The following HACD3 variants were observed in gnomAD, a reference collection of about 807,000 sequenced individuals.
HACD3 encodes very-long-chain (3R)-3-hydroxyacyl-CoA dehydratase 3.
A neutral mutation model predicts 55.2 loss-of-function variants in HACD3; 30 were observed. That is an observed-to-expected ratio of 0.54 (90% CI 0.41 to 0.74). HACD3 has a LOEUF of 0.74. Ranked by LOEUF, HACD3 falls within the 30% of genes least tolerant of loss-of-function variation. The pLI, the probability that HACD3 is intolerant of heterozygous loss-of-function variation, is 0.00. For missense variants in HACD3, 363 were observed against 440.1 expected, an observed-to-expected ratio of 0.82 and a Z score of 1.57; for synonymous variants, 141 against 151.7, an observed-to-expected ratio of 0.93 and a Z score of 0.52.
intron 1 of HACD3, among the ~76,000 whole-genome samples, chr15:65,536,849 C>G (rs1157026779): frequency 6.6e-6 from 1 of 152,144 alleles, no homozygotes; most frequent in Admixed American, 6.5e-5. Context: ...AATCATTAAG[C>G]TTAGTGAGGA....
intron 1 of HACD3, among the ~76,000 whole-genome samples, chr15:65,537,438 G>A (rs2071965162): frequency 6.6e-6 from 1 of 152,004 alleles, no homozygotes; most frequent in South Asian, 2.1e-4. Context: ...TGCAGCTGGT[G>A]GCTTGAAGTT....
At chr15:65,555,870 G>A (rs767302295) in intron 3 of HACD3, among the ~76,000 whole-genome samples, 1 of 152,130 alleles carries the variant, frequency 6.6e-6, no homozygotes, top group Non-Finnish European at 1.5e-5. Flanking sequence ...ATAAGCTGAG[G>A]GTAATTGGAT....
At position 65,530,827 on chromosome 15, in the gene HACD3, C is replaced by G. The variant is rs1160237556; in HGVS notation, c.87+109C>G. 4 of 1,096,396 alleles carry G rather than the reference C, an allele frequency of 3.6e-6. No individual in the cohort carries two copies. In the Admixed American group the frequency reaches 1.2e-4, roughly 33 times the overall value. The allele number at this position is 1,096,396 out of a possible 1,614,324, so 67.9% of individuals were successfully genotyped here. A position where few individuals can be genotyped will look rare whatever the true frequency, so the allele number is the denominator to read the frequency against. ...GCGCGCCGGAGAGCCTGCAGTGCGC[C>G]AACAAGGTCGGCGACGCGGTGCGCT... On this transcript the variant is annotated intron_variant, in intron 1 of 10. Transcript: ENST00000261875.
chr15:65,560,664 T>C (rs1188138969), intron 5 of HACD3, among the ~76,000 whole-genome samples: 1 of 151,928 alleles, frequency 6.6e-6, no homozygotes, highest in Non-Finnish European at 1.5e-5. Context: ...ATTAGCAAGG[T>C]GTGGTGGCAC....
At chr15:65,554,415 C>A (rs1444111804) in intron 2 of HACD3, among the ~76,000 whole-genome samples, 1 of 152,174 alleles carries the variant, frequency 6.6e-6, no homozygotes, top group African/African-American at 2.4e-5. Flanking sequence ...CAAGCCCCCA[C>A]ACATTTTAAC....
chr15:65,559,299 G>C (rs867856172), intron 5 of HACD3, among the ~76,000 whole-genome samples: 1 of 152,118 alleles, frequency 6.6e-6, no homozygotes, highest in Non-Finnish European at 1.5e-5. Context: ...AAGTCATGCT[G>C]TGTGGCAAGC....
At chr15:65,533,368 G>A (rs1471136593) in intron 1 of HACD3, among the ~76,000 whole-genome samples, 1 of 152,184 alleles carries the variant, frequency 6.6e-6, no homozygotes, top group African/African-American at 2.4e-5. Flanking sequence ...TTGGGTATCT[G>A]AATAAATCTT....
intron 1 of HACD3, among the ~76,000 whole-genome samples, chr15:65,545,242 C>G (rs1380784426): frequency 6.6e-6 from 1 of 152,064 alleles, no homozygotes; most frequent in African/African-American, 2.4e-5. Flanking sequence ...TTTATTGTCA[C>G]CCTCTTAACA....
intron 1 of HACD3, among the ~76,000 whole-genome samples, chr15:65,539,500 C>T (rs1482457776): frequency 1.8e-4 from 27 of 152,208 alleles, no homozygotes; most frequent in Admixed American, 1.6e-3. Flanking sequence ...GGATTACAGA[C>T]GTGAGCCACC....
chr15:65,545,171 T>G (rs947437585), intron 1 of HACD3, among the ~76,000 whole-genome samples: 1 of 152,130 alleles, frequency 6.6e-6, no homozygotes, highest in African/African-American at 2.4e-5. Context: ...ACTTGCTAAT[T>G]ACAAAAGGAA....
In HACD3 at chr15:65,576,671, C is replaced by T; in HGVS notation, c.*292C>T. The T allele has an allele frequency of 2.9e-6, 1 of 342,762 alleles. No individual in the cohort carries two copies. The highest frequency in any genetic ancestry group is 5.3e-6 in the Non-Finnish European group (1 of 189,792). The allele number at this position is 342,762 out of a possible 1,614,324, so 21.2% of individuals were successfully genotyped here. On this transcript the variant is annotated 3_prime_UTR_variant, in exon 11 of 11. Coordinates refer to ENST00000261875, the MANE Select transcript of HACD3 (RefSeq NM_016395.4). ...TCATGTTCAGTCTGTCTAATACATG[C>T]CAGAGATTTTTTTTTCAAAAAGTGC...
chr15:65,565,709 C>T (rs968850349), intron 7 of HACD3: 1 of 152,240 alleles, frequency 6.6e-6, no homozygotes, highest in African/African-American at 2.4e-5. Context: ...AGGCCTCTGA[C>T]ATGGTCTGGT....
chr15:65,571,101 T>C (rs1417001545), intron 8 of HACD3, among the ~76,000 whole-genome samples: 1 of 152,258 alleles, frequency 6.6e-6, no homozygotes, highest in African/African-American at 2.4e-5. Flanking sequence ...ATGCAATGTT[T>C]ACTGTTTGAG....
In HACD3 at chr15:65,556,869, A is replaced by T. The variant is rs2072197031; in HGVS notation, c.335A>T (p.Asp112Val). 1 of 1,612,938 alleles carries T rather than the reference A, an allele frequency of 6.2e-7. No homozygotes were observed. The highest frequency in any genetic ancestry group is 1.1e-5 in the South Asian group (1 of 90,738). ...FLAPDFDRWL[D>V]ESDAEMELRA... ...GCTCCTGACTTTGATCGTTGGCTGG[A>T]TGAATCTGATGCGGAAATGGAGCTC... Residue 112 changes from aspartate to valine, a missense_variant, in exon 4 of 11, where the codon GAT (aspartate) becomes GTT (valine). Transcript: ENST00000261875.
intron 1 of HACD3, among the ~76,000 whole-genome samples, chr15:65,536,584 G>A (rs930746085): frequency 2.0e-5 from 3 of 152,032 alleles, no homozygotes; most frequent in African/African-American, 7.2e-5. Context: ...GTGAAACCCC[G>A]TCTCTACTAA....
intron 7 of HACD3, among the ~76,000 whole-genome samples, chr15:65,567,618 C>T (rs970374696): frequency 2.6e-5 from 4 of 152,048 alleles, no homozygotes; most frequent in African/African-American, 9.7e-5. Context: ...GCATCATTTT[C>T]GATAACTAAA....
intron 6 of HACD3, among the ~76,000 whole-genome samples, 195 bp from the exon 7 acceptor site, chr15:65,564,020 A>G (rs1395775802): frequency 6.6e-6 from 1 of 152,028 alleles, no homozygotes; most frequent in East Asian, 1.9e-4. Context: ...CTTTCTGGTA[A>G]CTGGTAGAGC....
chr15:65,566,847 C>T (rs934976534), intron 7 of HACD3: 4 of 152,100 alleles, frequency 2.6e-5, no homozygotes, highest in Admixed American at 6.6e-5. Flanking sequence ...TTTATAATAT[C>T]CTTATGAAAT....
chr15:65,571,725 T>G, intron 9 of HACD3, 71 bp downstream of exon 9: 1 of 1,189,784 alleles, frequency 8.4e-7, no homozygotes, highest in Non-Finnish European at 1.2e-6. Flanking sequence ...GACCAGTCCT[T>G]TCTTCCCCGG....
Sources: gnomAD v4.1 joint callset for allele counts (sites outside exome capture counted in the v4.1 genomes callset) on GRCh38, gnomAD v4.1.1 for gene constraint, MANE v1.5 for transcripts, NCBI Gene and HGNC (gene_info 2026-07-23, HGNC 2026-07-21) for gene names.